Variants in ELF2 observed in about 807,000 individuals in gnomAD.
ELF2 encodes E74 like ETS transcription factor 2, also known as ETS-related transcription factor Elf-2.
A neutral mutation model predicts 54.8 loss-of-function variants in ELF2; 11 were observed. The observed-to-expected ratio is 0.20, with a 90% CI of 0.13 to 0.33. The LOEUF is 0.33. ELF2 is among the 10% of genes least tolerant of loss of function. The probability of loss-of-function intolerance (pLI) is 1.00; values close to 1 mark genes in which losing one functional copy is unlikely to be tolerated. For synonymous variants in ELF2, 203 were observed against 245.1 expected (o/e 0.83, Z 1.61); for missense variants, 513 against 703.0 (o/e 0.73, Z 3.06).
At chr4:139,064,696 A>G (rs1473608855) in intron 7 of ELF2, among the ~76,000 whole-genome samples, 2 of 152,104 alleles carry the variant, frequency 1.3e-5, no homozygotes, top group Non-Finnish European at 2.9e-5. Flanking sequence ...CCTGACCGAC[A>G]TGGAGAAACC....
chr4:139,115,348 G>A (rs1325317105), intron 4 of ELF2: 5 of 1,267,470 alleles, frequency 3.9e-6, no homozygotes, highest in Non-Finnish European at 5.0e-6. Context: ...CCAACGCCGC[G>A]CCCCCCGCGG....
Position 139,058,840 on chromosome 4 carries a change from T to C in ELF2, c.*143A>G, listed in dbSNP as rs1727384729. On this transcript the variant is annotated 3_prime_UTR_variant, in exon 10 of 10. Transcript: ENST00000686138. ...CCCACTGAAACATGGGATAGGTAATTTATTTCCAGTAAGTCTGATTGTTTT... is the reference window on the plus strand; with the variant it reads ...CCCACTGAAACATGGGATAGGTAATCTATTTCCAGTAAGTCTGATTGTTTT... The C allele has an allele frequency of 8.3e-7, 1 of 1,202,016 alleles. No individual in the cohort carries two copies. Among genetic ancestry groups the C allele is most frequent in the African/African-American group, 1.5e-5 (1 of 65,080 alleles). The allele number at this position is 1,202,016 out of a possible 1,614,324, so 74.5% of individuals were successfully genotyped here. A position where few individuals can be genotyped will look rare whatever the true frequency, so the allele number is the denominator to read the frequency against.
chr4:139,109,289 T>G (rs1477652743), intron 4 of ELF2, among the ~76,000 whole-genome samples: 2 of 152,140 alleles, frequency 1.3e-5, no homozygotes, highest in African/African-American at 4.8e-5. Flanking sequence ...TTTACAAAAT[T>G]AAAAAATTAA....
chr4:139,082,997 T>C (rs1280969053), intron 4 of ELF2, among the ~76,000 whole-genome samples: 1 of 152,168 alleles, frequency 6.6e-6, no homozygotes, highest in Non-Finnish European at 1.5e-5. Context: ...TTCCCTCCAA[T>C]TCCATGCGTA....
At chr4:139,072,373 A>G (rs897407341) in intron 5 of ELF2, among the ~76,000 whole-genome samples, 3 of 152,220 alleles carry the variant, frequency 2.0e-5, no homozygotes, top group Admixed American at 2.0e-4. Context: ...TTTGAAAATA[A>G]TAGTATAATA....
intron 5 of ELF2, 111 bp downstream of exon 5, chr4:139,073,343 G>A: frequency 3.4e-6 from 2 of 585,696 alleles, no homozygotes; most frequent in Non-Finnish European, 5.6e-6. Flanking sequence ...CATGTGTAAT[G>A]TACCTTTGAG....
chr4:139,114,167 TTC>T (rs1263048518), intron 4 of ELF2, among the ~76,000 whole-genome samples: 2 of 152,198 alleles, frequency 1.3e-5, no homozygotes, highest in East Asian at 1.9e-4. Context: ...AAAATAGATT[TTC>T]TTTTTCTATA....
At chr4:139,164,245 G>A (rs919309215) in intron 1 of ELF2, among the ~76,000 whole-genome samples, 2 of 143,674 alleles carry the variant, frequency 1.4e-5, no homozygotes, top group Admixed American at 7.0e-5. Context: ...AGAGAAGGAA[G>A]GAAGAAAAGA....
At position 139,121,095 on chromosome 4, in the gene ELF2, A is replaced by ATTTTT. The variant is rs10711256; in HGVS notation, c.238+4064_238+4068dup. On this transcript the variant is annotated intron_variant, in intron 4 of 9. Coordinates refer to ENST00000686138, the MANE Select transcript of ELF2 (RefSeq NM_001331036.3). ...GCTTTGTATTTTGAATATAACACAG[A>ATTTTT]TTTTTTTTTTTTTTTTTTTTTTTTT... 1.2e-3 allele frequency among the ~76,000 whole-genome samples: 78 copies of ATTTTT among 65,094 alleles called. 10 individuals carry two copies. Among genetic ancestry groups the ATTTTT allele is most frequent in the African/African-American group, 5.3e-3 (69 of 13,100 alleles). The allele number at this position is 65,094 out of a possible 152,430, so 42.7% of individuals were successfully genotyped here.
intron 7 of ELF2, among the ~76,000 whole-genome samples, chr4:139,062,817 G>A (rs1578660220): frequency 2.6e-5 from 4 of 152,148 alleles, no homozygotes; most frequent in Admixed American, 2.6e-4. Flanking sequence ...GGGTCTTTTT[G>A]TAAGAAACTT....
intron 6 of ELF2, among the ~76,000 whole-genome samples, chr4:139,068,090 C>T (rs1021124043): frequency 2.0e-5 from 3 of 151,836 alleles, no homozygotes; most frequent in Admixed American, 6.6e-5. Context: ...GCACGATCTC[C>T]GCTCACTGCA....
chr4:139,060,308 G>C lies in ELF2; in HGVS notation c.1157+16C>G, dbSNP rs773335303. 20 of 1,565,186 alleles carry C rather than the reference G, an allele frequency of 1.3e-5. No homozygotes were observed. Among genetic ancestry groups the C allele is most frequent in the Non-Finnish European group, 1.5e-5 (17 of 1,158,254 alleles). On this transcript the variant is annotated intron_variant, in intron 9 of 9. Transcript: ENST00000686138. ...AAAAAGTAAATACATTGTAACTAATGGTTTGCTTCACTTACCTTGGAGCTG... is the reference window on the plus strand; with the variant it reads ...AAAAAGTAAATACATTGTAACTAATCGTTTGCTTCACTTACCTTGGAGCTG...
chr4:139,162,515 A>T (rs1204266202), intron 1 of ELF2, among the ~76,000 whole-genome samples: 1 of 152,214 alleles, frequency 6.6e-6, no homozygotes, highest in Non-Finnish European at 1.5e-5. Flanking sequence ...TGGGCAACAA[A>T]GCAAGACTCC....
rs113115879 is a variant in ELF2, at chr4:139,060,391, G to A, written c.1090C>T (p.Pro364Ser). ...GVARVVNITS[P>S]GHDASSRSPT... is the part of the protein sequence containing the mutation. ...GACCTGGATGAAGCATCGTGCCCAGGGGAAGTGATATTCACAACTCTAGCT... is the reference window on the plus strand; with the variant it reads ...GACCTGGATGAAGCATCGTGCCCAGAGGAAGTGATATTCACAACTCTAGCT... Residue 364 changes from proline to serine, a missense_variant, in exon 9 of 10, where the codon CCT becomes TCT. Coordinates refer to ENST00000686138, the MANE Select transcript of ELF2 (RefSeq NM_001331036.3). 2.5e-6 allele frequency: 4 copies of A among 1,614,082 alleles called. No individual in the cohort carries two copies. Among genetic ancestry groups the A allele is most frequent in the Non-Finnish European group, 3.4e-6 (4 of 1,180,024 alleles).
At chr4:139,088,624 C>T (rs1732248573) in intron 4 of ELF2, among the ~76,000 whole-genome samples, 1 of 152,196 alleles carries the variant, frequency 6.6e-6, no homozygotes, top group Non-Finnish European at 1.5e-5. Flanking sequence ...CACTTCTACA[C>T]AACCGTTAAA....
chr4:139,084,062 G>A, intron 4 of ELF2: 1 of 1,608,510 alleles, frequency 6.2e-7, no homozygotes. Context: ...CTACAGGGGA[G>A]TCACCCCGCC....
chr4:139,058,078 G>A lies in ELF2; in HGVS notation c.*905C>T, dbSNP rs1229782108. On this transcript the variant is annotated 3_prime_UTR_variant, in exon 10 of 10. Coordinates refer to ENST00000686138, the MANE Select transcript of ELF2 (RefSeq NM_001331036.3). The stretch of plus-strand genomic sequence containing the variant: ...CCTGCCAAAAATTCATGCTGAGCCT[G>A]AACTTCCAAGTGACAGCAGAACTGA... 6.6e-6 allele frequency: 1 copy of A among 152,444 alleles called. No individual in the cohort carries two copies. The highest frequency in any genetic ancestry group is 1.5e-5 in the Non-Finnish European group (1 of 68,008). The allele number at this position is 152,444 out of a possible 1,614,324, so 9.4% of individuals were successfully genotyped here.
At chr4:139,124,993 G>T (rs573555853) in intron 4 of ELF2, among the ~76,000 whole-genome samples, 171 bp downstream of exon 4, 1 of 152,250 alleles carries the variant, frequency 6.6e-6, no homozygotes, top group East Asian at 1.9e-4. Context: ...TTATACAATA[G>T]AAGTTTTATA....
In ELF2 at chr4:139,059,499, G is replaced by A; in HGVS notation, c.1266C>T (p.Ser422=). The A allele has an allele frequency of 5.6e-6, 9 of 1,613,926 alleles. No homozygotes were observed. Among genetic ancestry groups the A allele is most frequent in the Non-Finnish European group, 6.8e-6 (8 of 1,179,852 alleles). ...GAGAGGTCGCTGTTGTTGGACTAGT[G>A]CTGGTTATTAATGGTGCACCTGCAT... ...SVNAGAPLIT[S]TSPTTATSPK... is the part of the protein sequence containing the mutation. Residue 422 remains serine, a synonymous_variant, in exon 10 of 10, where the codon AGC becomes AGT. Transcript: ENST00000686138.
Sources: allele counts gnomAD v4.1 joint callset (sites outside exome capture counted in the v4.1 genomes callset), GRCh38; gene constraint gnomAD v4.1.1; transcripts MANE v1.5; gene names NCBI Gene and HGNC (gene_info 2026-07-23, HGNC 2026-07-21).